NALF1: variants seen among roughly 807,000 people sequenced by gnomAD.
The protein encoded by NALF1 is family with sequence similarity 155 member A.
Under a neutral mutation model 48.4 loss-of-function variants are expected in NALF1, and 3 were observed. The observed-to-expected ratio is 0.06, with a 90% confidence interval of 0.03 to 0.16. The LOEUF is 0.16. NALF1 is among the 10% of genes least tolerant of loss of function. The pLI is 1.00. For missense variants in NALF1, 526 were observed against 571.5 expected (o/e 0.92, Z 0.81); for synonymous variants, 262 against 245.7 (o/e 1.07, Z -0.62).
rs756007181 is a variant in NALF1 at position 107,866,349 on chromosome 13, T to TGCTGCTGCTGCTGCTGCC, written c.230_247dup (p.Arg77_Gln82dup). On this transcript the variant is annotated inframe_insertion, in exon 1 of 3. Transcript: ENST00000375915. The surrounding 1 kb of genome is among the most constrained non-coding windows in gnomAD (Gnocchi z 4.4). ...CTGCTGCCGCTGCCTCTGCTGCTGC[T>TGCTGCTGCTGCTGCTGCC]GCTGCTGCTGCTGCTGCCGCTGCTG... 1.9e-6 allele frequency: 3 copies of TGCTGCTGCTGCTGCTGCC among 1,608,614 alleles called. No homozygotes were observed. The highest frequency in any genetic ancestry group is 2.5e-6 in the Non-Finnish European group (3 of 1,178,358).
chr13:107,594,358 A>G (rs1878685308), intron 1 of NALF1, among the ~76,000 whole-genome samples: 1 of 152,130 alleles, frequency 6.6e-6, no homozygotes, highest in Admixed American at 6.6e-5. Context: ...CTTTACATCA[A>G]TTTGAACAGT....
At chr13:107,318,385 T>A (rs1167632639) in intron 1 of NALF1, among the ~76,000 whole-genome samples, 1 of 152,138 alleles carries the variant, frequency 6.6e-6, no homozygotes, top group Non-Finnish European at 1.5e-5. Flanking sequence ...TACTGAGTTA[T>A]TGAATGCTTG....
At chr13:107,511,374 G>T (rs1481494275) in intron 1 of NALF1, among the ~76,000 whole-genome samples, 3 of 152,142 alleles carry the variant, frequency 2.0e-5, no homozygotes, top group Non-Finnish European at 4.4e-5. Flanking sequence ...AGAGGAGAGA[G>T]AAATTACAGA....
At chr13:107,690,855 A>G (rs1218093366) in intron 1 of NALF1, among the ~76,000 whole-genome samples, 4 of 152,244 alleles carry the variant, frequency 2.6e-5, no homozygotes, top group African/African-American at 9.6e-5. Flanking sequence ...CATTCAAAAC[A>G]TGATGGCAAT....
At chr13:107,679,106 T>C (rs1399356956) in intron 1 of NALF1, among the ~76,000 whole-genome samples, 1 of 152,218 alleles carries the variant, frequency 6.6e-6, no homozygotes, top group East Asian at 1.9e-4. Flanking sequence ...TCTAGGCCCA[T>C]ATATTTTGTG....
intron 1 of NALF1, among the ~76,000 whole-genome samples, chr13:107,835,034 C>G (rs560359237): frequency 6.6e-6 from 1 of 152,320 alleles, no homozygotes; most frequent in Non-Finnish European, 1.5e-5. Flanking sequence ...TTAATACTTG[C>G]CTTTCTCTTC....
intron 1 of NALF1, among the ~76,000 whole-genome samples, chr13:107,330,905 C>T (rs1305184732): frequency 6.6e-6 from 1 of 152,084 alleles, no homozygotes; most frequent in Non-Finnish European, 1.5e-5. Context: ...TGTGCCATAG[C>T]CTTTTTCTAT....
intron 1 of NALF1, among the ~76,000 whole-genome samples, chr13:107,384,250 C>T (rs772238027): frequency 1.3e-5 from 2 of 149,854 alleles, no homozygotes; most frequent in Non-Finnish European, 3.0e-5. Context: ...GAGATCCTGT[C>T]TCAAAAACAA....
intron 1 of NALF1, among the ~76,000 whole-genome samples, chr13:107,807,230 T>C (rs1017000497): frequency 6.6e-6 from 1 of 152,172 alleles, no homozygotes; most frequent in Admixed American, 6.6e-5. Context: ...CAAAATATTA[T>C]TTTCAATATC....
At chr13:107,531,323 T>G (rs983789960) in intron 1 of NALF1, 7 of 162,300 alleles carry the variant, frequency 4.3e-5, no homozygotes, top group African/African-American at 9.7e-5. Flanking sequence ...GCTCTTCTTC[T>G]GAGTGTATGG....
intron 1 of NALF1, among the ~76,000 whole-genome samples, chr13:107,418,330 G>A (rs978321602): frequency 6.6e-6 from 1 of 152,028 alleles, no homozygotes; most frequent in African/African-American, 2.4e-5. Flanking sequence ...CCTTAGTTCT[G>A]ATGAAAAGGC....
chr13:107,519,629 C>A (rs1359996953), intron 1 of NALF1, among the ~76,000 whole-genome samples: 1 of 152,120 alleles, frequency 6.6e-6, no homozygotes, highest in Non-Finnish European at 1.5e-5. Context: ...TGCTGAGGAA[C>A]CCCATTAACT....
chr13:107,595,529 A>G (rs779322658), intron 1 of NALF1, among the ~76,000 whole-genome samples: 6 of 152,194 alleles, frequency 3.9e-5, no homozygotes, highest in Non-Finnish European at 8.8e-5. Flanking sequence ...TTCATTTCAT[A>G]ACAAGCCAAA....
Position 107,866,199 on chromosome 13 carries a change from G to T in NALF1, c.398C>A (p.Pro133His), listed in dbSNP as rs746546835. 6.9e-6 allele frequency: 11 copies of T among 1,602,656 alleles called. No individual in the cohort carries two copies. Among genetic ancestry groups the T allele is most frequent in the Middle Eastern group, 1.7e-4 (1 of 5,750 alleles). Residue 133 changes from proline to histidine, a missense_variant, in exon 1 of 3, where the codon CCC (proline) becomes CAC (histidine). Pro to His is a moderately conservative substitution (Grantham distance 77). Transcript: ENST00000375915. The surrounding 1 kb of genome is among the most constrained non-coding windows in gnomAD (Gnocchi z 4.4). The part of the protein sequence containing the change: ...LSASSSPTLP[P>H]SPGDGGGGGG... The stretch of plus-strand genomic sequence containing the variant: ...GCCGCCGCCGCCGTCTCCCGGGGAG[G>T]GGGGCAGGGTGGGGGACGAGGAGGC...
intron 1 of NALF1, among the ~76,000 whole-genome samples, chr13:107,711,542 G>C (rs1875592419): frequency 6.6e-6 from 1 of 152,140 alleles, no homozygotes; most frequent in African/African-American, 2.4e-5. Context: ...CGCCATGTTG[G>C]CCAGGCTGGT....
chr13:107,526,289 C>A (rs530419944), intron 1 of NALF1, among the ~76,000 whole-genome samples: 44 of 152,216 alleles, frequency 2.9e-4, no homozygotes, highest in African/African-American at 1.0e-3. Flanking sequence ...TACCACAGTG[C>A]CTCTGAACTC....
intron 1 of NALF1, among the ~76,000 whole-genome samples, chr13:107,753,520 G>GAA (rs1566468951): frequency 1.2e-4 from 18 of 150,674 alleles, no homozygotes; most frequent in Admixed American, 5.3e-4. Flanking sequence ...TATCTTCAAG[G>GAA]GATGATGACG....
chr13:107,227,830 T>C (rs567459515), intron 1 of NALF1, among the ~76,000 whole-genome samples: 3 of 152,320 alleles, frequency 2.0e-5, no homozygotes, highest in African/African-American at 4.8e-5. Context: ...CCGAATCTCA[T>C]AGGATTTTAG....
intron 1 of NALF1, among the ~76,000 whole-genome samples, chr13:107,374,397 T>A (rs12865442): frequency 1.3e-5 from 2 of 152,166 alleles, no homozygotes; most frequent in African/African-American, 4.8e-5. Flanking sequence ...TCCCATCCAA[T>A]AGGAGATCAA....
Sources: allele counts gnomAD v4.1 joint callset (sites outside exome capture counted in the v4.1 genomes callset), GRCh38; gene constraint gnomAD v4.1.1; non-coding constraint Gnocchi (gnomAD v3.1); transcripts MANE v1.5; gene names NCBI Gene and HGNC (gene_info 2026-07-23, HGNC 2026-07-21).